The following CNTN4 variants were observed in gnomAD, a reference collection of about 807,000 sequenced individuals.
CNTN4 encodes the protein contactin-4.
In CNTN4, 77 loss-of-function variants were observed where a neutral mutation model predicts 122.5. That is an observed-to-expected ratio of 0.63 (90% CI 0.52 to 0.76). CNTN4 has a LOEUF of 0.76. Among genes scored for constraint, CNTN4 ranks in the 30% least tolerant of loss-of-function variants. The pLI, the probability that CNTN4 is intolerant of heterozygous loss-of-function variation, is 0.00. For missense variants in CNTN4, 1,256 were observed against 1,259.1 expected (o/e 1.00, Z 0.04); for synonymous variants, 512 against 447.0 (o/e 1.15, Z -1.83).
chr3:2,596,016 ACAT>A (rs1309642993), intron 4 of CNTN4, among the ~76,000 whole-genome samples: 21 of 152,212 alleles, frequency 1.4e-4, no homozygotes, highest in African/African-American at 4.8e-4. Context: ...TTATTAGATG[ACAT>A]CATTCTCAAA....
intron 3 of CNTN4, among the ~76,000 whole-genome samples, chr3:2,522,919 C>T (rs1381050340): frequency 6.6e-6 from 1 of 152,074 alleles, no homozygotes; most frequent in Non-Finnish European, 1.5e-5. Context: ...AGATTGATAG[C>T]TCTGTCCACC....
At chr3:2,531,318 C>T in intron 3 of CNTN4, among the ~76,000 whole-genome samples, 1 of 152,080 alleles carries the variant, frequency 6.6e-6, no homozygotes, top group East Asian at 1.9e-4. Flanking sequence ...GCGGGTAGGC[C>T]TGGGTACGGG....
At chr3:2,792,806 T>A (rs888727142) in intron 6 of CNTN4, among the ~76,000 whole-genome samples, 5 of 152,196 alleles carry the variant, frequency 3.3e-5, no homozygotes, top group Non-Finnish European at 5.9e-5. Flanking sequence ...TTGAAATGGG[T>A]ATAGTAATAA....
intron 3 of CNTN4, among the ~76,000 whole-genome samples, chr3:2,559,331 T>A (rs2078849569): frequency 1.3e-5 from 2 of 152,316 alleles, no homozygotes; most frequent in South Asian, 2.1e-4. Context: ...TATTTTTGAA[T>A]GTCAGTACTA....
chr3:2,818,625 A>C (rs569375714), intron 6 of CNTN4, among the ~76,000 whole-genome samples: 19 of 152,304 alleles, frequency 1.2e-4, no homozygotes, highest in African/African-American at 3.6e-4. Flanking sequence ...TGGAAGAAAA[A>C]AACGTTTCTT....
intron 2 of CNTN4, among the ~76,000 whole-genome samples, chr3:2,311,281 T>G (rs2150140100): frequency 6.6e-6 from 1 of 152,222 alleles, no homozygotes; most frequent in Non-Finnish European, 1.5e-5. Flanking sequence ...TTTTTCCCCC[T>G]TGATTTGAAA....
chr3:2,627,928 A>G (rs2082274468), intron 4 of CNTN4, among the ~76,000 whole-genome samples: 1 of 152,236 alleles, frequency 6.6e-6, no homozygotes, highest in Admixed American at 6.5e-5. Context: ...TCTGTCGTCA[A>G]GTAATCACAA....
At chr3:2,207,786 G>A (rs1317769998) in intron 2 of CNTN4, among the ~76,000 whole-genome samples, 1 of 151,958 alleles carries the variant, frequency 6.6e-6, no homozygotes, top group Non-Finnish European at 1.5e-5. Flanking sequence ...TCTATTGGAA[G>A]AAAATGCCAT....
chr3:2,485,254 GTGCCCGGTCC>G (rs1436250107), intron 3 of CNTN4, among the ~76,000 whole-genome samples: 3 of 152,234 alleles, frequency 2.0e-5, no homozygotes, highest in Admixed American at 6.5e-5. Context: ...CTGCTCCGCG[GTGCCCGGTCC>G]CATCGACTGC....
intron 2 of CNTN4, among the ~76,000 whole-genome samples, chr3:2,155,740 C>T (rs1238529708): frequency 6.6e-6 from 1 of 152,132 alleles, no homozygotes; most frequent in Non-Finnish European, 1.5e-5. Flanking sequence ...TTGGTCTTCG[C>T]TTCCTCCAAC....
chr3:2,665,372 T>C (rs2084100499), intron 4 of CNTN4, among the ~76,000 whole-genome samples: 1 of 152,184 alleles, frequency 6.6e-6, no homozygotes, highest in South Asian at 2.1e-4. Context: ...TTTTGAACAT[T>C]TAAATTCATT....
intron 4 of CNTN4, among the ~76,000 whole-genome samples, chr3:2,708,360 AG>A (rs1391167062): frequency 6.6e-6 from 1 of 152,192 alleles, no homozygotes; most frequent in Non-Finnish European, 1.5e-5. Context: ...ACGACTTAAA[AG>A]GTAACCCATA....
intron 2 of CNTN4, among the ~76,000 whole-genome samples, chr3:2,195,512 T>G (rs1454268283): frequency 6.6e-6 from 1 of 152,266 alleles, no homozygotes; most frequent in African/African-American, 2.4e-5. Context: ...ATTGTTTTCC[T>G]TAATATTTGG....
rs559311939 is a variant in CNTN4 at position 2,474,291 on chromosome 3, G to A, written c.-88-97125G>A. ...ATTTCTTGCTCTTGCTCTTGCTCAC[G>A]TTCATGCTTGGGGCATGCAGCTTAA... On this transcript the variant is annotated intron_variant, in intron 3 of 24. Transcript: ENST00000418658. 3.3e-5 allele frequency among the ~76,000 whole-genome samples: 5 copies of A among 152,184 alleles called. No homozygotes were observed. The South Asian group carries it at 6.2e-4, about 19-fold the overall frequency.
intron 13 of CNTN4, among the ~76,000 whole-genome samples, chr3:2,948,324 A>G (rs2094700577): frequency 1.3e-5 from 2 of 152,178 alleles, no homozygotes; most frequent in Admixed American, 1.3e-4. Flanking sequence ...GCCTAGAGGA[A>G]GGAGGGAACT....
At chr3:2,893,411 C>G (rs6763097) in intron 10 of CNTN4, among the ~76,000 whole-genome samples, 56,104 of 152,070 alleles carry the variant, frequency 0.37, 10,627 homozygotes, top group East Asian at 0.55. Flanking sequence ...GAACACAGTA[C>G]ATAAGGTAAT....
chr3:2,914,747 G>T (rs999282579), intron 12 of CNTN4, among the ~76,000 whole-genome samples: 3 of 152,142 alleles, frequency 2.0e-5, no homozygotes, highest in Non-Finnish European at 2.9e-5. Flanking sequence ...CCCTTCCAAA[G>T]AATTAAAGAA....
At chr3:2,432,432 A>G (rs999328045) in intron 3 of CNTN4, among the ~76,000 whole-genome samples, 2 of 152,200 alleles carry the variant, frequency 1.3e-5, no homozygotes, top group African/African-American at 4.8e-5. Context: ...AGGTGCCAAG[A>G]TAGAGAATAA....
chr3:2,440,616 C>T (rs772906157), intron 3 of CNTN4, among the ~76,000 whole-genome samples: 6 of 151,802 alleles, frequency 4.0e-5, no homozygotes, highest in African/African-American at 7.3e-5. Context: ...GGTATCTATA[C>T]GTTGCAAAGC....
Sources: allele counts gnomAD v4.1 joint callset (sites outside exome capture counted in the v4.1 genomes callset), GRCh38; gene constraint gnomAD v4.1.1; transcripts MANE v1.5; gene names NCBI Gene and HGNC (gene_info 2026-07-23, HGNC 2026-07-21).